Variants in DSP observed in about 807,000 individuals in gnomAD.
The protein encoded by DSP is 250/210 kDa paraneoplastic pemphigus antigen.
DSP carries 114 observed loss-of-function variants against 290.6 expected under a neutral mutation model. That is an observed-to-expected ratio of 0.39 (90% CI 0.34 to 0.46). The LOEUF (loss-of-function observed/expected upper bound fraction) is 0.46, where lower values mean the gene tolerates loss of function less well. Ranked by LOEUF, DSP falls within the 20% of genes least tolerant of loss-of-function variation. DSP has a pLI of 0.99. For synonymous variants in DSP, 1,311 were observed against 1,316.4 expected (o/e 1.00, Z 0.09); for missense variants, 3,230 against 3,495.8 (o/e 0.92, Z 1.92).
At chr6:7,569,929 T>C (rs897217170) in intron 12 of DSP, among the ~76,000 whole-genome samples, 1 of 152,370 alleles carries the variant, frequency 6.6e-6, no homozygotes. Context: ...CTCCTTTTCT[T>C]AGAAAATCAG....
chr6:7,555,272 A>G (rs1330764770), intron 1 of DSP, among the ~76,000 whole-genome samples: 2 of 152,226 alleles, frequency 1.3e-5, no homozygotes, highest in Non-Finnish European at 2.9e-5. Flanking sequence ...AACAAGTTCT[A>G]TAAATTAGAA....
chr6:7,559,932 T>G (rs1258291190), intron 4 of DSP, among the ~76,000 whole-genome samples: 1 of 152,264 alleles, frequency 6.6e-6, no homozygotes, highest in East Asian at 1.9e-4. Context: ...TGTCTCATTG[T>G]GCAACCATCA....
At chr6:7,551,798 G>C (rs1009600313) in intron 1 of DSP, among the ~76,000 whole-genome samples, 6 of 152,214 alleles carry the variant, frequency 3.9e-5, no homozygotes, top group African/African-American at 1.4e-4. Context: ...GTTCTGTGTG[G>C]ATTCTTCATT....
Position 7,565,732 on chromosome 6 carries a change from A to C in DSP, c.939+212A>C. The C allele has an allele frequency of 1.7e-6, 1 of 591,146 alleles. No individual in the cohort carries two copies. Among genetic ancestry groups the C allele is most frequent in the Non-Finnish European group, 3.0e-6 (1 of 335,530 alleles). 36.6% of individuals were successfully genotyped at this position (591,146 alleles called of 1,614,324 possible). ...AAACTTATGCGGGAACAGAAAACCA[A>C]ATACCACATGTTCTCACTTAGGAGT... On this transcript the variant is annotated intron_variant, in intron 7 of 23. Coordinates refer to ENST00000379802, the MANE Select transcript of DSP (RefSeq NM_004415.4). The surrounding 1 kb of genome is among the most constrained non-coding windows in gnomAD (Gnocchi z 4.2).
At chr6:7,566,821 A>G (rs1445111480) in intron 8 of DSP, among the ~76,000 whole-genome samples, 1 of 152,212 alleles carries the variant, frequency 6.6e-6, no homozygotes, top group Non-Finnish European at 1.5e-5. Context: ...CCCTTGAGCT[A>G]TAGTTTGGTG....
intron 3 of DSP, 25 bp downstream of exon 3, chr6:7,558,289 G>C: frequency 1.2e-6 from 2 of 1,608,490 alleles, no homozygotes; most frequent in Non-Finnish European, 1.7e-6. Flanking sequence ...GCATGGATCG[G>C]GCAGTCCCCA....
In DSP at chr6:7,584,159, C is replaced by G. The variant is rs1459176618; in HGVS notation, c.6897C>G (p.Gly2299=). The G allele has an allele frequency of 6.2e-7, 1 of 1,614,048 alleles. No homozygotes were observed. The highest frequency in any genetic ancestry group is 8.5e-7 in the Non-Finnish European group (1 of 1,180,038). The change falls in exon 24 of 24, where the codon GGC becomes GGG. Residue 2299 remains glycine, a synonymous_variant. Transcript: ENST00000379802. This position sits in a 1 kb window ranked among gnomAD's most constrained non-coding sequence, Gnocchi z 6.4. ...TGCTGGAAGCCCAAGCAGCTACTGG[C>G]TTTATAGTGGATCCTGTTAGCAACT... is the stretch of plus-strand genomic sequence containing the variant. ...LELLEAQAAT[G]FIVDPVSNLR...
chr6:7,583,659 G>T lies in DSP; in HGVS notation c.6397G>T (p.Gly2133Cys), dbSNP rs372393122. ...GCTGGAAGCCCAGATTGCTTCAGGG[G>T]GTGTAGTAGACCCTGTGAACAGTGT... ...RLLEAQIASGGVVDPVNSVFL... is the reference protein window; with the variant it reads ...RLLEAQIASGCVVDPVNSVFL... The change falls in exon 24 of 24, where the codon GGT (glycine) becomes TGT (cysteine). Residue 2133 changes from glycine (G) to cysteine (C), a missense_variant. By Grantham distance (159) the Gly-to-Cys change is radical (BLOSUM62 -3). This residue lies in a region of DSP where 1,714 missense variants were observed against 1,844.5 expected (regional missense o/e 0.93). Coordinates refer to ENST00000379802, the MANE Select transcript of DSP (RefSeq NM_004415.4). This position sits in a 1 kb window ranked among gnomAD's most constrained non-coding sequence, Gnocchi z 4.0. 1 of 1,614,042 alleles carries T rather than the reference G, an allele frequency of 6.2e-7. No homozygotes were observed. The highest frequency in any genetic ancestry group is 8.5e-7 in the Non-Finnish European group (1 of 1,180,008).
intron 3 of DSP, among the ~76,000 whole-genome samples, chr6:7,558,959 C>A (rs994095765): frequency 2.6e-5 from 4 of 152,104 alleles, no homozygotes; most frequent in Non-Finnish European, 4.4e-5. Flanking sequence ...GGACAAAACG[C>A]AAGAGAAAAT....
chr6:7,569,177 G>C lies in DSP; in HGVS notation c.1420-9G>C, dbSNP rs1758956235. On this transcript the variant is annotated splice_polypyrimidine_tract_variant and intron_variant, in intron 11 of 23. Transcript: ENST00000379802. ...ATAAAGCCAAACCCTGGGGTTGCTT[G>C]CCTTACAGAAAATCGTGCATAAGGG... The C allele has an allele frequency of 1.2e-6, 2 of 1,614,186 alleles. No individual in the cohort carries two copies. The highest frequency in any genetic ancestry group is 1.7e-6 in the Non-Finnish European group (2 of 1,180,032).
chr6:7,572,609 T>A (rs963574147), intron 15 of DSP, among the ~76,000 whole-genome samples: 4 of 152,208 alleles, frequency 2.6e-5, no homozygotes, highest in African/African-American at 9.6e-5. Context: ...GGTCAACTCC[T>A]CTCTCTTCCT....
rs1401177482 is a variant in DSP at position 7,579,585 on chromosome 6, T to G, written c.3395T>G (p.Phe1132Cys). ...KRRRKSVEDR[F>C]DQQKNDYDQL... is the part of the protein sequence containing the mutation. ...AGAAGAAAATCTGTGGAAGACAGAT[T>G]TGACCAACAGAAGAATGACTATGAC... Residue 1132 changes from phenylalanine to cysteine, a missense_variant, in exon 23 of 24, where the codon TTT (phenylalanine) becomes TGT (cysteine). Phe to Cys is a radical substitution (Grantham distance 205). Transcript: ENST00000379802. The surrounding 1 kb of genome is among the most constrained non-coding windows in gnomAD (Gnocchi z 4.1). The G allele has an allele frequency of 6.2e-7, 1 of 1,613,908 alleles. No individual in the cohort carries two copies. The highest frequency in any genetic ancestry group is 8.5e-7 in the Non-Finnish European group (1 of 1,180,014).
At position 7,571,979 on chromosome 6, in the gene DSP, C is replaced by G. The variant is rs778748893; in HGVS notation, c.2041C>G (p.His681Asp). The change falls in exon 15 of 24, where the codon CAC becomes GAC. Residue 681 changes from histidine to aspartate, a missense_variant. This residue lies in a region of DSP where 1,714 missense variants were observed against 1,844.5 expected (regional missense o/e 0.93). Coordinates refer to ENST00000379802, the MANE Select transcript of DSP (RefSeq NM_004415.4). ...GCAGAAGATTCGCAGGCAGATAGAG[C>G]ACTGCGAGGGCAGGATGACTCTCAA... ...ELQKIRRQIE[H>D]CEGRMTLKNL... 5.6e-6 allele frequency: 9 copies of G among 1,614,032 alleles called. No individual in the cohort carries two copies. The South Asian group carries it at 8.8e-5, about 16-fold the overall frequency.
In DSP at chr6:7,581,065, TAAG is replaced by T. The variant is rs1466413837; in HGVS notation, c.4880_4882del (p.Lys1627del). 2 of 1,613,860 alleles carry T rather than the reference TAAG, an allele frequency of 1.2e-6. No individual in the cohort carries two copies. Among genetic ancestry groups the T allele is most frequent in the Non-Finnish European group, 1.7e-6 (2 of 1,180,014 alleles). ...AGCAGCTGGAGCAGGCATCCATTGT[TAAG>T]AAGAGGAGTGAGGATGACCTCCGGC... On this transcript the variant is annotated inframe_deletion, in exon 23 of 24. Coordinates refer to ENST00000379802, the MANE Select transcript of DSP (RefSeq NM_004415.4).
chr6:7,569,085 T>C (rs1334729173), intron 11 of DSP, 101 bp from the exon 12 acceptor site: 2 of 1,522,686 alleles, frequency 1.3e-6, no homozygotes, highest in Non-Finnish European at 1.8e-6. Flanking sequence ...GTAAAAGCTT[T>C]AATAATTCGC....
chr6:7,570,667 T>G (rs577293738), intron 13 of DSP, 104 bp downstream of exon 13: 39 of 1,546,526 alleles, frequency 2.5e-5, no homozygotes, highest in Non-Finnish European at 3.4e-5. Context: ...GCAGTGCTTT[T>G]GTGTCTCGTC....
Position 7,551,706 on chromosome 6 carries a change from A to AG in DSP, c.171-4011dup, listed in dbSNP as rs532747366. 3.9e-4 allele frequency among the ~76,000 whole-genome samples: 60 copies of AG among 152,096 alleles called. No individual in the cohort carries two copies. In the South Asian group the frequency reaches 0.011, roughly 27 times the overall value. Reference sequence around the variant, plus strand: ...CTGAAGAATCCAGTGCTACACATACAGCTGGTGTATGTCTGACATCAGACT... The same window carrying AG: ...CTGAAGAATCCAGTGCTACACATACAGGCTGGTGTATGTCTGACATCAGACT... On this transcript the variant is annotated intron_variant, in intron 1 of 23. Coordinates refer to ENST00000379802, the MANE Select transcript of DSP (RefSeq NM_004415.4).
chr6:7,558,215 A>C lies in DSP; in HGVS notation c.373A>C (p.Ile125Leu), dbSNP rs1164619724. The C allele has an allele frequency of 5.0e-6, 8 of 1,614,128 alleles. No homozygotes were observed. Among genetic ancestry groups the C allele is most frequent in the Non-Finnish European group, 6.8e-6 (8 of 1,180,052 alleles). Residue 125 changes from isoleucine to leucine, a missense_variant, in exon 3 of 24, where the codon ATC becomes CTC. By Grantham distance (5) the Ile-to-Leu change is conservative. This residue lies in a region of DSP where 646 missense variants were observed against 684.3 expected (regional missense o/e 0.94). Coordinates refer to ENST00000379802, the MANE Select transcript of DSP (RefSeq NM_004415.4). ...NDQMEILDSL[I>L]REMRQMGQPC... Reference sequence around the variant, plus strand: ...CCAAATGGAAATCCTCGACAGCTTGATCAGAGAGATGCGGCAGATGGGCCA... The same window carrying C: ...CCAAATGGAAATCCTCGACAGCTTGCTCAGAGAGATGCGGCAGATGGGCCA...
At position 7,559,287 on chromosome 6, in the gene DSP, C is replaced by T. The variant is rs760711308; in HGVS notation, c.484C>T (p.Arg162Cys). 3.1e-5 allele frequency: 50 copies of T among 1,613,844 alleles called. No individual in the cohort carries two copies. The highest frequency in any genetic ancestry group is 1.1e-4 in the African/African-American group (8 of 74,884). ...TAAAGCCATCAGTGTCCCTCGAGTCCGCAGGGCCAGCTCCAAGGGTGGTGG... is the reference window on the plus strand; with the variant it reads ...TAAAGCCATCAGTGTCCCTCGAGTCTGCAGGGCCAGCTCCAAGGGTGGTGG... Reference protein sequence around the residue: ...LYKAISVPRVRRASSKGGGGY... With the variant: ...LYKAISVPRVCRASSKGGGGY... Residue 162 changes from arginine to cysteine, a missense_variant, in exon 4 of 24, where the codon CGC (arginine) becomes TGC (cysteine). Arg to Cys is a radical substitution (Grantham distance 180, BLOSUM62 -3). This residue lies in a region of DSP where 646 missense variants were observed against 684.3 expected (regional missense o/e 0.94). Coordinates refer to ENST00000379802, the MANE Select transcript of DSP (RefSeq NM_004415.4).
Sources: allele counts gnomAD v4.1 joint callset (sites outside exome capture counted in the v4.1 genomes callset), GRCh38; gene constraint gnomAD v4.1.1; regional missense constraint gnomAD v4.1.1; non-coding constraint Gnocchi (gnomAD v3.1); transcripts MANE v1.5; gene names NCBI Gene and HGNC (gene_info 2026-07-23, HGNC 2026-07-21).